Variants in GCH1 observed in about 807,000 individuals in gnomAD.
GCH1 encodes GTP cyclohydrolase 1.
In GCH1, 5 loss-of-function variants were observed where a neutral mutation model predicts 25.9. The ratio of observed to expected loss-of-function variants is 0.19; its 90% CI spans 0.10 to 0.41. The LOEUF (loss-of-function observed/expected upper bound fraction) is 0.41. Ranked by LOEUF, GCH1 falls within the 10% of genes least tolerant of loss-of-function variation. GCH1 has a pLI of 1.00. For missense variants in GCH1, 261 were observed against 336.5 expected (o/e 0.78, Z 1.75); for synonymous variants, 159 against 129.6 (o/e 1.23, Z -1.54).
At chr14:54,858,134 G>GT (rs11412107) in intron 3 of GCH1, among the ~76,000 whole-genome samples, 51,390 of 149,716 alleles carry the variant, frequency 0.34, 8,952 homozygotes, top group African/African-American at 0.39. Context: ...TGCTGGAGTA[G>GT]TTTTTTTTTT....
rs1467419847 is a variant in GCH1, at chr14:54,902,819, C to A, written c.-156G>T. On this transcript the variant is annotated 5_prime_UTR_variant, in exon 1 of 6. Transcript: ENST00000491895. ...GATCACACTCCGAGCCGGGAGCGGC[C>A]ACAGGCTGGAAAGCCCGGCCGCGCC... 9.6e-7 allele frequency: 1 copy of A among 1,040,984 alleles called. No homozygotes were observed. Among genetic ancestry groups the A allele is most frequent in the African/African-American group, 1.7e-5 (1 of 59,928 alleles). 64.5% of individuals were successfully genotyped at this position (1,040,984 alleles called of 1,614,324 possible).
chr14:54,895,332 T>C (rs2040471156), intron 1 of GCH1, among the ~76,000 whole-genome samples: 1 of 152,158 alleles, frequency 6.6e-6, no homozygotes, highest in African/African-American at 2.4e-5. Context: ...TCCCAAAATT[T>C]TGAACTGTTA....
At chr14:54,864,614 T>C (rs2039965264) in intron 2 of GCH1, among the ~76,000 whole-genome samples, 1 of 152,172 alleles carries the variant, frequency 6.6e-6, no homozygotes, top group Non-Finnish European at 1.5e-5. Context: ...TTAAGTCCCT[T>C]TTGTCCTAAA....
chr14:54,891,361 C>A (rs928131760), intron 1 of GCH1, among the ~76,000 whole-genome samples: 26 of 151,496 alleles, frequency 1.7e-4, no homozygotes, highest in Non-Finnish European at 3.5e-4. Context: ...CCTCCTTGGC[C>A]TCCCAAGGTG....
chr14:54,852,472 C>G (rs2039746455), intron 3 of GCH1, among the ~76,000 whole-genome samples: 1 of 152,212 alleles, frequency 6.6e-6, no homozygotes, highest in Admixed American at 6.5e-5. Flanking sequence ...TCCACCTACT[C>G]TCACTCAGAC....
At chr14:54,893,887 G>A (rs2040453969) in intron 1 of GCH1, among the ~76,000 whole-genome samples, 1 of 152,168 alleles carries the variant, frequency 6.6e-6, no homozygotes, top group Admixed American at 6.5e-5. Context: ...TGCTCTCACT[G>A]AGCTGTGTTT....
chr14:54,902,190 C>T, intron 1 of GCH1, 131 bp downstream of exon 1: 3 of 997,888 alleles, frequency 3.0e-6, no homozygotes, highest in Non-Finnish European at 4.5e-6. Context: ...AGGGCGGGTT[C>T]GGAGGTGACA....
intron 1 of GCH1, among the ~76,000 whole-genome samples, chr14:54,876,527 T>A (rs887476780): frequency 1.3e-5 from 2 of 152,038 alleles, no homozygotes; most frequent in Admixed American, 6.6e-5. Flanking sequence ...TGCATGGTGA[T>A]ATGTGCCTAT....
Position 54,843,324 on chromosome 14 carries a change from T to C in GCH1, c.*693A>G. The C allele has an allele frequency of 7.6e-7, 1 of 1,313,884 alleles. No individual in the cohort carries two copies. Among genetic ancestry groups the C allele is most frequent in the Non-Finnish European group, 9.7e-7 (1 of 1,035,596 alleles). 81.4% of individuals were successfully genotyped at this position (1,313,884 alleles called of 1,614,324 possible). On this transcript the variant is annotated 3_prime_UTR_variant, in exon 6 of 6. Transcript: ENST00000491895. ...AGGCACAGAGAGTTAAATGTCTAAA[T>C]CCCTGTATGTTGACACGAGAATACA...
intron 3 of GCH1, among the ~76,000 whole-genome samples, chr14:54,849,653 CTTT>C (rs1353957626): frequency 3.9e-5 from 6 of 152,150 alleles, no homozygotes; most frequent in Non-Finnish European, 1.5e-5. Context: ...GTTCTAGAAA[CTTT>C]TTTAGCCATT....
At chr14:54,858,121 G>A (rs1399030684) in intron 3 of GCH1, among the ~76,000 whole-genome samples, 1 of 141,068 alleles carries the variant, frequency 7.1e-6, no homozygotes, top group Non-Finnish European at 1.5e-5. Flanking sequence ...GCAGTTGTCA[G>A]ATTGCTGGAG....
chr14:54,851,062 C>A (rs1335585903), intron 3 of GCH1, among the ~76,000 whole-genome samples: 1 of 152,060 alleles, frequency 6.6e-6, no homozygotes, highest in South Asian at 2.1e-4. Context: ...CAGAACAGAG[C>A]CCTCAGAAAT....
chr14:54,857,926 G>C (rs751672286), intron 3 of GCH1, among the ~76,000 whole-genome samples: 2 of 152,186 alleles, frequency 1.3e-5, no homozygotes, highest in South Asian at 4.1e-4. Flanking sequence ...AGCAATTACA[G>C]CTATGATATA....
chr14:54,855,232 G>A (rs538844220), intron 3 of GCH1, among the ~76,000 whole-genome samples: 1 of 152,184 alleles, frequency 6.6e-6, no homozygotes, highest in Non-Finnish European at 1.5e-5. Flanking sequence ...AGGGCCAGGC[G>A]CGGTGGCTCA....
At chr14:54,880,543 T>G (rs1394849577) in intron 1 of GCH1, among the ~76,000 whole-genome samples, 1 of 99,370 alleles carries the variant, frequency 1.0e-5, no homozygotes, top group Non-Finnish European at 1.9e-5. Flanking sequence ...ACTCCATATA[T>G]ATATATACTC....
chr14:54,896,300 G>A (rs2040482045), intron 1 of GCH1, among the ~76,000 whole-genome samples: 1 of 152,088 alleles, frequency 6.6e-6, no homozygotes, highest in Non-Finnish European at 1.5e-5. Context: ...TTGTGCAGAA[G>A]CGTTTATGGA....
intron 3 of GCH1, among the ~76,000 whole-genome samples, chr14:54,851,505 A>G (rs546490832): frequency 1.8e-4 from 27 of 152,332 alleles, no homozygotes; most frequent in Admixed American, 6.5e-4. Flanking sequence ...GAATCTACAA[A>G]GAACTTTAAC....
intron 2 of GCH1, among the ~76,000 whole-genome samples, chr14:54,859,994 C>A (rs913412288): frequency 3.9e-5 from 6 of 152,028 alleles, no homozygotes; most frequent in African/African-American, 7.2e-5. Context: ...GTACAGTTGT[C>A]CGTTGGTAAA....
At chr14:54,848,524 T>G (rs1395145196) in intron 3 of GCH1, among the ~76,000 whole-genome samples, 2 of 152,234 alleles carry the variant, frequency 1.3e-5, no homozygotes, top group Non-Finnish European at 2.9e-5. Context: ...CTATTCACAC[T>G]GAGGACCTTT....
Sources: gnomAD v4.1 joint callset for allele counts (sites outside exome capture counted in the v4.1 genomes callset) on GRCh38, gnomAD v4.1.1 for gene constraint, MANE v1.5 for transcripts, NCBI Gene and HGNC (gene_info 2026-07-23, HGNC 2026-07-21) for gene names.